The following GRM7 variants were observed in gnomAD, a reference collection of about 807,000 sequenced individuals.
GRM7 encodes the protein glutamate metabotropic receptor 7.
GRM7 carries 35 observed loss-of-function variants against 84.5 expected under a neutral mutation model. The observed-to-expected ratio is 0.41, with a 90% CI of 0.32 to 0.55. GRM7 has a LOEUF of 0.55. GRM7 is among the 20% of genes least tolerant of loss of function. GRM7 has a pLI of 0.19. For missense variants in GRM7, 1,003 were observed against 1,194.6 expected (o/e 0.84, Z 2.36); for synonymous variants, 487 against 455.1 (o/e 1.07, Z -0.89).
At position 7,124,051 on chromosome 3, in the gene GRM7, TCTTCACATTCCTTAC is replaced by T. The variant is rs567099485; in HGVS notation, c.520-22397_520-22383del. Among the ~76,000 whole-genome samples, 18 of 152,270 alleles carry T rather than the reference TCTTCACATTCCTTAC, an allele frequency of 1.2e-4. 1 individual carries two copies. Among genetic ancestry groups the T allele is most frequent in the Admixed American group, 1.0e-3 (16 of 15,296 alleles). ...AAATTTTATGTCTCTTTCTTCCCTT[TCTTCACATTCCTTAC>T]CTTGCTTAGACTTTGGTGTGATCCA... On this transcript the variant is annotated intron_variant, in intron 1 of 9. Coordinates refer to ENST00000357716, the MANE Select transcript of GRM7 (RefSeq NM_000844.4).
rs970101533 is a variant in GRM7 at position 7,648,409 on chromosome 3, G to A, written c.2452-31640G>A. ...CATCTGTAATCCTAGCACTTTAGGA[G>A]GCTGAGGCGGGCGGATCACCTGAGG... On this transcript the variant is annotated intron_variant, in intron 8 of 9. Transcript: ENST00000357716. Among the ~76,000 whole-genome samples the A allele has an allele frequency of 5.1e-4, 77 of 152,126 alleles. 1 individual carries two copies. Among genetic ancestry groups the A allele is most frequent in the Middle Eastern group, 3.4e-3 (1 of 294 alleles).
At chr3:7,640,121 C>G (rs1698297385) in intron 8 of GRM7, among the ~76,000 whole-genome samples, 2 of 152,068 alleles carry the variant, frequency 1.3e-5, no homozygotes, top group Non-Finnish European at 2.9e-5. Context: ...ACTAATTTAT[C>G]TTCCTATCCG....
rs935253529 is a variant in GRM7 at position 7,568,737 on chromosome 3, C to T, written c.1516-9685C>T. On this transcript the variant is annotated intron_variant, in intron 7 of 9. Transcript: ENST00000357716. Reference sequence around the variant, plus strand: ...CCTGGGCAATGAGGGGCTTAGCACCCGGGCCAGCGGTTGCGGAGGGTGTAC... The same window carrying T: ...CCTGGGCAATGAGGGGCTTAGCACCTGGGCCAGCGGTTGCGGAGGGTGTAC... 7.9e-5 allele frequency among the ~76,000 whole-genome samples: 12 copies of T among 152,176 alleles called. 1 individual carries two copies. The highest frequency in any genetic ancestry group is 2.0e-4 in the Admixed American group (3 of 15,288).
chr3:7,716,900 A>G (rs1240120623), intron 9 of GRM7, among the ~76,000 whole-genome samples: 1 of 152,096 alleles, frequency 6.6e-6, no homozygotes, highest in Non-Finnish European at 1.5e-5. Flanking sequence ...CCTTTGTTTC[A>G]TTTCACAGGA....
chr3:7,434,761 AGT>A (rs1446814118), intron 5 of GRM7, among the ~76,000 whole-genome samples: 37 of 152,116 alleles, frequency 2.4e-4, no homozygotes, highest in Non-Finnish European at 1.5e-5. Flanking sequence ...CTTCTCTGGT[AGT>A]GTCTTTTTCT....
intron 4 of GRM7, among the ~76,000 whole-genome samples, chr3:7,406,542 A>G (rs1415538455): frequency 6.6e-6 from 1 of 152,186 alleles, no homozygotes; most frequent in Non-Finnish European, 1.5e-5. Flanking sequence ...TAAAAATAGA[A>G]TGATACAATC....
At chr3:7,204,628 G>C (rs188633228) in intron 2 of GRM7, among the ~76,000 whole-genome samples, 1 of 152,164 alleles carries the variant, frequency 6.6e-6, no homozygotes. Flanking sequence ...TGCTAGGTGG[G>C]CAAATAACCA....
chr3:6,896,582 C>G (rs1158323946), intron 1 of GRM7, among the ~76,000 whole-genome samples: 1 of 152,154 alleles, frequency 6.6e-6, no homozygotes, highest in Non-Finnish European at 1.5e-5. Context: ...TGATTTTGAG[C>G]TCAACGTCTA....
intron 4 of GRM7, among the ~76,000 whole-genome samples, chr3:7,354,185 C>T (rs1016874016): frequency 6.6e-6 from 1 of 152,086 alleles, no homozygotes; most frequent in African/African-American, 2.4e-5. Flanking sequence ...TTGCCTTTTA[C>T]CAGGATAACT....
intron 9 of GRM7, among the ~76,000 whole-genome samples, chr3:7,690,668 G>C (rs561715900): frequency 3.8e-4 from 58 of 152,202 alleles, no homozygotes; most frequent in African/African-American, 1.3e-3. Context: ...TATTTCATGG[G>C]CCACAGATAT....
chr3:7,676,539 A>G (rs1700129142), intron 8 of GRM7, among the ~76,000 whole-genome samples: 1 of 152,000 alleles, frequency 6.6e-6, no homozygotes, highest in South Asian at 2.1e-4. Context: ...GCTCTCTGCA[A>G]CCTGTGCCTC....
At chr3:6,970,342 G>A (rs559262212) in intron 1 of GRM7, among the ~76,000 whole-genome samples, 2 of 152,308 alleles carry the variant, frequency 1.3e-5, no homozygotes, top group Admixed American at 6.5e-5. Context: ...ACTTACTATT[G>A]TGTCTTCAGA....
At chr3:7,047,257 A>G (rs910346838) in intron 1 of GRM7, among the ~76,000 whole-genome samples, 1 of 151,978 alleles carries the variant, frequency 6.6e-6, no homozygotes, top group Non-Finnish European at 1.5e-5. Flanking sequence ...AGCTGAAAAT[A>G]TTTTACAATC....
At chr3:6,943,247 G>A (rs981787107) in intron 1 of GRM7, among the ~76,000 whole-genome samples, 4 of 151,368 alleles carry the variant, frequency 2.6e-5, no homozygotes, top group Non-Finnish European at 5.9e-5. Context: ...TTCTTTTATG[G>A]ACCATAAAAG....
At chr3:7,129,060 G>C (rs1338162952) in intron 1 of GRM7, among the ~76,000 whole-genome samples, 1 of 152,126 alleles carries the variant, frequency 6.6e-6, no homozygotes, top group Non-Finnish European at 1.5e-5. Flanking sequence ...AGCAGAGTTG[G>C]TATGTTATAA....
chr3:7,494,937 A>G (rs13075794), intron 7 of GRM7, among the ~76,000 whole-genome samples: 73,669 of 151,948 alleles, frequency 0.48, 18,240 homozygotes, highest in East Asian at 0.72. Flanking sequence ...TTGTTTCAGT[A>G]TTGGCATCAG....
chr3:7,590,882 T>C (rs1454497577), intron 8 of GRM7, among the ~76,000 whole-genome samples: 2 of 152,150 alleles, frequency 1.3e-5, no homozygotes, highest in Non-Finnish European at 2.9e-5. Context: ...TGTACCTGTA[T>C]CTCCTCATTA....
chr3:7,312,283 G>A (rs1268755519), intron 4 of GRM7, among the ~76,000 whole-genome samples: 3 of 152,114 alleles, frequency 2.0e-5, no homozygotes, highest in Non-Finnish European at 4.4e-5. Flanking sequence ...TGCAAAGGAG[G>A]GGCTTCCAGG....
chr3:7,540,356 A>G (rs1362458596), intron 7 of GRM7, among the ~76,000 whole-genome samples: 1 of 152,224 alleles, frequency 6.6e-6, no homozygotes, highest in African/African-American at 2.4e-5. Flanking sequence ...TGAGTGAAGA[A>G]GTAAAATGTA....
Sources: gnomAD v4.1 joint callset for allele counts (sites outside exome capture counted in the v4.1 genomes callset) on GRCh38, gnomAD v4.1.1 for gene constraint, MANE v1.5 for transcripts, NCBI Gene and HGNC (gene_info 2026-07-23, HGNC 2026-07-21) for gene names.